ANK3: variants seen among roughly 807,000 people sequenced by gnomAD.
ANK3 encodes the protein ankyrin-3.
A neutral mutation model predicts 370.9 loss-of-function variants in ANK3; 57 were observed. That is an observed-to-expected ratio of 0.15 (90% CI 0.12 to 0.19). The LOEUF (loss-of-function observed/expected upper bound fraction) is 0.19. Among genes scored for constraint, ANK3 ranks in the 10% least tolerant of loss-of-function variants. The pLI, the probability that ANK3 is intolerant of heterozygous loss-of-function variation, is 1.00. For missense variants in ANK3, 4,439 were observed against 5,302.1 expected (o/e 0.84, Z 5.06); for synonymous variants, 1,929 against 1,946.3 (o/e 0.99, Z 0.23).
chr10:60,063,073 C>A, intron 40 of ANK3, 38 bp downstream of exon 40: 1 of 1,580,544 alleles, frequency 6.3e-7, no homozygotes, highest in Non-Finnish European at 8.6e-7. Context: ...CAAATTTTAT[C>A]AAATGATTAA....
Position 60,155,878 on chromosome 10 carries a change from A to AG in ANK3, c.2614+10712dup, listed in dbSNP as rs1224979834. Among the ~76,000 whole-genome samples, 7 of 152,320 alleles carry AG rather than the reference A, an allele frequency of 4.6e-5. No individual in the cohort carries two copies. In the East Asian group the frequency reaches 1.4e-3, roughly 29 times the overall value. On this transcript the variant is annotated intron_variant, in intron 23 of 43. Coordinates refer to ENST00000280772, the MANE Select transcript of ANK3 (RefSeq NM_020987.5). ...CTTGGACCTACACCAGTGATTTGCC[A>AG]GGGGCTCTCAGGCCTTTGGCCACAG... is the stretch of plus-strand genomic sequence containing the variant.
chr10:60,586,437 G>A (rs2077832696), intron 2 of ANK3, among the ~76,000 whole-genome samples: 1 of 152,042 alleles, frequency 6.6e-6, no homozygotes, highest in Admixed American at 6.6e-5. Flanking sequence ...GTTTTTTTGT[G>A]GTTGCCTATC....
rs951293618 is a variant in ANK3 at position 60,043,763 on chromosome 10, C to T, written c.13066-1004G>A. ...GGCCAAGCCCTGGGTGGGGCTGAAGCACTGCTCTGAGGTTTGGTGGTGAAT... is the reference window on the plus strand; with the variant it reads ...GGCCAAGCCCTGGGTGGGGCTGAAGTACTGCTCTGAGGTTTGGTGGTGAAT... On this transcript the variant is annotated intron_variant, in intron 42 of 43. Transcript: ENST00000280772. The T allele has an allele frequency of 7.1e-6, 7 of 985,274 alleles. No individual in the cohort carries two copies. The Admixed American group carries it at 3.7e-4, about 52-fold the overall frequency. The allele number at this position is 985,274 out of a possible 1,614,324, so 61.0% of individuals were successfully genotyped here.
chr10:60,391,232 G>C (rs954564180), upstream of ANK3, among the ~76,000 whole-genome samples: 3 of 152,172 alleles, frequency 2.0e-5, no homozygotes, highest in Non-Finnish European at 2.9e-5. Flanking sequence ...TGGTCATAGA[G>C]TTACCAAGGG....
At chr10:60,314,893 C>G (rs748765817) in intron 1 of ANK3, among the ~76,000 whole-genome samples, 1 of 152,142 alleles carries the variant, frequency 6.6e-6, no homozygotes, top group Non-Finnish European at 1.5e-5. Context: ...AAAAGGAAAA[C>G]GCTTGTGTTC....
chr10:60,653,187 C>T (rs2078815404), intron 1 of ANK3, among the ~76,000 whole-genome samples: 1 of 152,092 alleles, frequency 6.6e-6, no homozygotes, highest in Admixed American at 6.6e-5. Context: ...CTCTTGTAGT[C>T]ATGCTTTTTG....
intron 2 of ANK3, among the ~76,000 whole-genome samples, chr10:60,417,610 C>A (rs1055945783): frequency 1.3e-5 from 2 of 152,176 alleles, no homozygotes; most frequent in African/African-American, 4.8e-5. Context: ...ATGAAGTTAG[C>A]AACCTGCAGA....
chr10:60,388,013 A>G (rs1028650109), intron 1 of ANK3, among the ~76,000 whole-genome samples: 2 of 152,154 alleles, frequency 1.3e-5, no homozygotes, highest in African/African-American at 2.4e-5. Flanking sequence ...AGATGTATGG[A>G]CAGGGGGCAA....
intron 2 of ANK3, among the ~76,000 whole-genome samples, chr10:60,538,644 T>C (rs1486431874): frequency 1.3e-5 from 2 of 151,960 alleles, no homozygotes; most frequent in South Asian, 2.1e-4. Context: ...GTAGAAAGAA[T>C]GCTCACACAC....
At chr10:60,642,479 GTAGGGAC>G (rs2078648067) in intron 1 of ANK3, among the ~76,000 whole-genome samples, 1 of 152,154 alleles carries the variant, frequency 6.6e-6, no homozygotes, top group Non-Finnish European at 1.5e-5. Context: ...CATGTCCTTT[GTAGGGAC>G]ATGGATGAAA....
At chr10:60,443,763 C>T (rs2064361904) in intron 2 of ANK3, among the ~76,000 whole-genome samples, 1 of 152,098 alleles carries the variant, frequency 6.6e-6, no homozygotes, top group Admixed American at 6.6e-5. Flanking sequence ...ATCACAAAAG[C>T]CCTGCTTAGT....
chr10:60,070,687 G>A lies in ANK3; in HGVS notation c.10194C>T (p.Ala3398=). The change falls in exon 37 of 44, where the codon GCC becomes GCT. Residue 3398 remains alanine, a synonymous_variant. Coordinates refer to ENST00000280772, the MANE Select transcript of ANK3 (RefSeq NM_020987.5). This position sits in a 1 kb window ranked among gnomAD's most constrained non-coding sequence, Gnocchi z 5.7. ...TGTCATGAGAAAACTCTGCTGTGGT[G>A]GCAATGGAACACTCTGTGATGGACT... The part of the protein sequence containing the change: ...NDQSITECSI[A]TTAEFSHDTD... The A allele has an allele frequency of 6.2e-7, 1 of 1,614,136 alleles. No homozygotes were observed. Among genetic ancestry groups the A allele is most frequent in the Middle Eastern group, 1.7e-4 (1 of 6,060 alleles).
chr10:60,389,689 C>T lies in ANK3; in HGVS notation c.-151G>A. 6.9e-7 allele frequency: 1 copy of T among 1,450,116 alleles called. No homozygotes were observed. The highest frequency in any genetic ancestry group is 9.0e-7 in the Non-Finnish European group (1 of 1,107,490). The allele number at this position is 1,450,116 out of a possible 1,614,324, so 89.8% of individuals were successfully genotyped here. A position where few individuals can be genotyped will look rare whatever the true frequency, so the allele number is the denominator to read the frequency against. ...GGAAGATATTCACAATGCAAAGATG[C>T]TGGAGAAGCTGAAGCTTTTAAAAAC... On this transcript the variant is annotated 5_prime_UTR_variant, in exon 1 of 44. Coordinates refer to ENST00000280772, the MANE Select transcript of ANK3 (RefSeq NM_020987.5).
intron 2 of ANK3, among the ~76,000 whole-genome samples, chr10:60,477,872 A>G (rs1274873823): frequency 6.6e-6 from 1 of 152,120 alleles, no homozygotes; most frequent in African/African-American, 2.4e-5. Context: ...AAGAGGTTGC[A>G]AATGAACAGA....
intron 2 of ANK3, among the ~76,000 whole-genome samples, chr10:60,431,059 T>C (rs1231595788): frequency 1.3e-5 from 2 of 152,220 alleles, no homozygotes; most frequent in Non-Finnish European, 2.9e-5. Flanking sequence ...TTTGGGATGA[T>C]TCAAGCACAT....
chr10:60,503,908 C>A (rs1256924997), intron 2 of ANK3, among the ~76,000 whole-genome samples: 2 of 152,034 alleles, frequency 1.3e-5, no homozygotes, highest in Admixed American at 1.3e-4. Context: ...TTATTTTTCC[C>A]AAGTAATGTG....
intron 2 of ANK3, among the ~76,000 whole-genome samples, chr10:60,432,669 T>C (rs2132981759): frequency 6.6e-6 from 1 of 152,258 alleles, no homozygotes; most frequent in African/African-American, 2.4e-5. Context: ...TAGAAAAAGC[T>C]GAACAAACAT....
chr10:60,168,876 A>G (rs1270145835), intron 21 of ANK3, among the ~76,000 whole-genome samples: 1 of 152,108 alleles, frequency 6.6e-6, no homozygotes, highest in Non-Finnish European at 1.5e-5. Context: ...ACATGATATC[A>G]TTCCTTTTTT....
intron 1 of ANK3, among the ~76,000 whole-genome samples, chr10:60,331,858 A>T (rs2051414715): frequency 6.6e-6 from 1 of 152,236 alleles, no homozygotes; most frequent in African/African-American, 2.4e-5. Context: ...CTTCATTCAG[A>T]AATGAATATT....
Sources: allele counts gnomAD v4.1 joint callset (sites outside exome capture counted in the v4.1 genomes callset), GRCh38; gene constraint gnomAD v4.1.1; non-coding constraint Gnocchi (gnomAD v3.1); transcripts MANE v1.5; gene names NCBI Gene and HGNC (gene_info 2026-07-23, HGNC 2026-07-21).